Variants in KLF8 observed in about 807,000 individuals in gnomAD.
KLF8 encodes KLF transcription factor 8.
A neutral mutation model predicts 18.2 loss-of-function variants in KLF8; 10 were observed. That is an observed-to-expected ratio of 0.55 (90% CI 0.34 to 0.93). The LOEUF is 0.93. KLF8 is among the 40% of genes least tolerant of loss of function. The pLI is 0.02. For missense variants in KLF8, 264 were observed against 277.9 expected (o/e 0.95, Z 0.36); for synonymous variants, 109 against 97.3 (o/e 1.12, Z -0.71).
the KLF8 span, among the ~76,000 whole-genome samples, chrX:56,102,593 T>C: frequency 7.2e-5 from 8 of 111,281 alleles, no homozygotes; most frequent in African/African-American, 2.6e-4. Context: ...TTCATGAACA[T>C]GGGGTGTTTT....
the KLF8 span, among the ~76,000 whole-genome samples, chrX:55,924,826 TTTTTGTTTTG>T: frequency 9.4e-6 from 1 of 106,415 alleles, no homozygotes; most frequent in Non-Finnish European, 1.9e-5. Flanking sequence ...GGTGGTTTTT[TTTTTGTTTTG>T]TTTTGTTTTT....
the KLF8 span, among the ~76,000 whole-genome samples, chrX:56,053,543 TG>T: frequency 9.8e-4 from 66 of 67,177 alleles, no homozygotes; most frequent in Non-Finnish European, 1.6e-3. Flanking sequence ...GTCTTTTCTT[TG>T]TTTTTTTTTT....
the KLF8 span, among the ~76,000 whole-genome samples, chrX:56,021,162 A>G: frequency 8.9e-6 from 1 of 112,339 alleles, no homozygotes; most frequent in Admixed American, 9.4e-5. Context: ...ATAGATTAGT[A>G]CCATCTGTTT....
chrX:56,035,646 T>C, the KLF8 span, among the ~76,000 whole-genome samples: 6 of 112,259 alleles, frequency 5.3e-5, no homozygotes, highest in African/African-American at 1.9e-4. Context: ...GTGTTTTTGA[T>C]AAAGCCTCCT....
intron 5 of KLF8, among the ~76,000 whole-genome samples, chrX:56,281,608 T>G (rs1439032362): frequency 9.0e-6 from 1 of 110,942 alleles, no homozygotes; most frequent in Non-Finnish European, 1.9e-5. Flanking sequence ...GGGGTTTCAC[T>G]ATGTTGGCCA....
the KLF8 span, among the ~76,000 whole-genome samples, chrX:56,144,478 G>A: frequency 5.5e-5 from 6 of 109,446 alleles, no homozygotes; most frequent in Non-Finnish European, 1.1e-4. Flanking sequence ...GGCTGGGCGC[G>A]GTGGCTCACG....
At chrX:56,284,078 A>G (rs2067239693) in intron 5 of KLF8, among the ~76,000 whole-genome samples, 1 of 112,458 alleles carries the variant, frequency 8.9e-6, no homozygotes, top group Admixed American at 9.4e-5. Flanking sequence ...ATGTATGTTA[A>G]TTAACTCGAC....
chrX:55,967,495 G>T, the KLF8 span, among the ~76,000 whole-genome samples: 1 of 108,644 alleles, frequency 9.2e-6, no homozygotes, highest in Non-Finnish European at 1.9e-5. Flanking sequence ...AAAAACTTTA[G>T]AATACTGTAG....
the KLF8 span, among the ~76,000 whole-genome samples, chrX:55,931,102 G>C: frequency 3.6e-5 from 4 of 111,639 alleles, no homozygotes; most frequent in Non-Finnish European, 7.5e-5. Context: ...CTTCTTCCTT[G>C]TTTGGTCTTG....
At chrX:56,232,177 G>T (rs1382365716), upstream of KLF8, among the ~76,000 whole-genome samples, 1 of 111,942 alleles carries the variant, frequency 8.9e-6, no homozygotes, top group Non-Finnish European at 1.9e-5. Flanking sequence ...CAGTGTGCTT[G>T]CAAGCCTTAA....
rs780505384 is a variant in KLF8 at position 56,290,828 on chromosome X, C to G, written c.*6334C>G. Among the ~76,000 whole-genome samples the G allele has an allele frequency of 2.7e-5, 3 of 111,700 alleles. No homozygotes were observed. Among genetic ancestry groups the G allele is most frequent in the East Asian group, 5.7e-4 (2 of 3,534 alleles). ...TTTATACCAGTGGCAGGATATTTCT[C>G]TGTTTTCCAAACACTGGTTTTAATT... On this transcript the variant is annotated 3_prime_UTR_variant, in exon 6 of 6. Coordinates refer to ENST00000468660, the MANE Select transcript of KLF8 (RefSeq NM_007250.5).
chrX:56,200,688 G>GA, the KLF8 span, among the ~76,000 whole-genome samples: 2 of 110,703 alleles, frequency 1.8e-5, no homozygotes, highest in African/African-American at 6.5e-5. Flanking sequence ...TATGGAATGG[G>GA]AAAAAATATT....
At chrX:56,025,489 C>A in the KLF8 span, among the ~76,000 whole-genome samples, 3 of 111,723 alleles carry the variant, frequency 2.7e-5, no homozygotes, top group Non-Finnish European at 5.6e-5. Flanking sequence ...GACACAAGAC[C>A]AGTATTGACA....
At chrX:56,170,120 A>G in the KLF8 span, among the ~76,000 whole-genome samples, 3 of 111,441 alleles carry the variant, frequency 2.7e-5, no homozygotes, top group Non-Finnish European at 3.8e-5. Flanking sequence ...GAAAAACCAC[A>G]GCATTAGTGG....
At chrX:56,230,527 TAG>T (rs1173718401), upstream of KLF8, among the ~76,000 whole-genome samples, 1 of 111,542 alleles carries the variant, frequency 9.0e-6, no homozygotes, top group Non-Finnish European at 1.9e-5. Context: ...TATAGTGAGA[TAG>T]AGAGTTATTT....
chrX:56,096,925 G>T, the KLF8 span, among the ~76,000 whole-genome samples: 1 of 111,002 alleles, frequency 9.0e-6, no homozygotes, highest in Non-Finnish European at 1.9e-5. Flanking sequence ...AAAGAACATT[G>T]TGAACAACTC....
the KLF8 span, among the ~76,000 whole-genome samples, chrX:56,096,776 T>G: frequency 1.8e-5 from 2 of 111,003 alleles, no homozygotes; most frequent in Non-Finnish European, 3.8e-5. Flanking sequence ...AATCTAAAAA[T>G]GGAGATTATG....
At chrX:56,150,695 C>T in the KLF8 span, among the ~76,000 whole-genome samples, 2 of 110,647 alleles carry the variant, frequency 1.8e-5, no homozygotes, top group South Asian at 3.9e-4. Flanking sequence ...TATCCCTGGG[C>T]TACTCTCACT....
the KLF8 span, among the ~76,000 whole-genome samples, chrX:56,079,143 T>C: frequency 1.8e-5 from 2 of 111,362 alleles, no homozygotes; most frequent in Admixed American, 9.5e-5. Context: ...TCTATTTCCT[T>C]CAGTTCTGCT....
Sources: allele counts gnomAD v4.1 joint callset (sites outside exome capture counted in the v4.1 genomes callset), GRCh38; gene constraint gnomAD v4.1.1; transcripts MANE v1.5; gene names NCBI Gene and HGNC (gene_info 2026-07-23, HGNC 2026-07-21).